Variants in SLC6A18 observed in about 807,000 individuals in gnomAD.
The protein encoded by SLC6A18 is inactive sodium-dependent neutral amino acid transporter B(0)AT3.
SLC6A18 carries 58 observed loss-of-function variants against 62.9 expected under a neutral mutation model. The ratio of observed to expected loss-of-function variants is 0.92; its 90% CI spans 0.75 to 1.15. The LOEUF (loss-of-function observed/expected upper bound fraction) is 1.15. SLC6A18 is among the 50% of genes most tolerant of loss of function. The pLI, the probability that SLC6A18 is intolerant of heterozygous loss-of-function variation, is 0.00. For missense variants in SLC6A18, 793 were observed against 836.6 expected (o/e 0.95, Z 0.64); for synonymous variants, 382 against 365.8 (o/e 1.04, Z -0.51).
chr5:1,226,474 TC>T (rs1746568088), intron 1 of SLC6A18, among the ~76,000 whole-genome samples: 1 of 152,162 alleles, frequency 6.6e-6, no homozygotes, highest in Non-Finnish European at 1.5e-5. Flanking sequence ...GTCAGCCTGT[TC>T]CCCGGGCCCT....
At chr5:1,237,314 G>A (rs746784447) in intron 4 of SLC6A18, among the ~76,000 whole-genome samples, 1 of 152,008 alleles carries the variant, frequency 6.6e-6, no homozygotes, top group Non-Finnish European at 1.5e-5. Context: ...ACTGAGGAGA[G>A]GAGTGAGAGA....
rs768351279 is a variant in SLC6A18 at position 1,235,476 on chromosome 5, T to C, written c.440-5T>C. ...GCCAGCCTGTGACAGGCCCCCTGGT[T>C]TCAGGGTTTGTGGAGGAGTGCCAGG... On this transcript the variant is annotated splice_region_variant and splice_polypyrimidine_tract_variant and intron_variant, in intron 3 of 11. Coordinates refer to ENST00000324642, the MANE Select transcript of SLC6A18 (RefSeq NM_182632.3). 2.5e-6 allele frequency: 4 copies of C among 1,612,612 alleles called. No homozygotes were observed. In the South Asian group the frequency reaches 4.4e-5, roughly 18 times the overall value.
Position 1,225,506 on chromosome 5 carries a change from C to A in SLC6A18, c.29C>A (p.Ala10Asp). Residue 10 changes from alanine to aspartate, a missense_variant, in exon 1 of 12, where the codon GCC becomes GAC. Transcript: ENST00000324642. MAHAPEPDP[A>D]ACDLGDERPK... ...GCTCATGCCCCAGAACCGGACCCGG[C>A]CGCCTGCGACCTCGGGGATGAGAGG... 3 of 1,613,216 alleles carry A rather than the reference C, an allele frequency of 1.9e-6. No homozygotes were observed. The highest frequency in any genetic ancestry group is 2.5e-6 in the Non-Finnish European group (3 of 1,179,582).
intron 8 of SLC6A18, 110 bp downstream of exon 8, chr5:1,242,973 G>A (rs1747105825): frequency 1.5e-6 from 2 of 1,300,276 alleles, no homozygotes; most frequent in South Asian, 1.6e-5. Flanking sequence ...ACAGACCCAG[G>A]GCCAGGGCCT....
chr5:1,230,062 G>A (rs1372956278), intron 1 of SLC6A18, among the ~76,000 whole-genome samples: 19 of 149,364 alleles, frequency 1.3e-4, no homozygotes, highest in Non-Finnish European at 1.6e-4. Context: ...GGAGGGAAAA[G>A]GGGCTCTCAC....
At chr5:1,234,818 A>C (rs534324147) in intron 3 of SLC6A18, among the ~76,000 whole-genome samples, 1 of 152,234 alleles carries the variant, frequency 6.6e-6, no homozygotes, top group Admixed American at 6.5e-5. Context: ...TTGGGGCCCA[A>C]GGACAGTGTG....
intron 10 of SLC6A18, 71 bp downstream of exon 10, chr5:1,244,444 A>T (rs1437372148): frequency 3.1e-6 from 5 of 1,592,200 alleles, no homozygotes; most frequent in Non-Finnish European, 4.3e-6. Flanking sequence ...TGCCGGGCAC[A>T]GGTTCAACCC....
intron 9 of SLC6A18, 29 bp from the exon 10 acceptor site, chr5:1,244,185 C>CCCCCCCCCCCCCCTT: frequency 3.5e-6 from 2 of 572,858 alleles, no homozygotes; most frequent in Non-Finnish European, 6.5e-6. Flanking sequence ...CATCCCCTTA[C>CCCCCCCCCCCCCCTT]CCCCCACACC....
chr5:1,232,359 G>T lies in SLC6A18; in HGVS notation c.301G>T (p.Gly101Trp), dbSNP rs749996673. Residue 101 changes from glycine to tryptophan, a missense_variant and splice_region_variant, in exon 2 of 12, where the codon GGG becomes TGG. Gly to Trp is a radical substitution (Grantham distance 184). Coordinates refer to ENST00000324642, the MANE Select transcript of SLC6A18 (RefSeq NM_182632.3). ...CATCTCCCCGTACCTCAGTGGAGTA[G>T]GTAGGCCACCGTCCTCGCTTGCCCT... ...TAISPYLSGV[G>W]LGCVTLSFLI... The T allele has an allele frequency of 1.9e-6, 3 of 1,609,450 alleles. No individual in the cohort carries two copies. The highest frequency in any genetic ancestry group is 2.5e-6 in the Non-Finnish European group (3 of 1,178,854).
At chr5:1,235,707 C>T (rs991478540) in intron 4 of SLC6A18, 45 bp downstream of exon 4, 1 of 1,591,446 alleles carries the variant, frequency 6.3e-7, no homozygotes. Context: ...TTCCTCCAGC[C>T]CCCAAGACCC....
intron 1 of SLC6A18, among the ~76,000 whole-genome samples, chr5:1,228,341 G>A (rs1346484374): frequency 2.0e-5 from 3 of 152,150 alleles, no homozygotes; most frequent in South Asian, 2.1e-4. Flanking sequence ...CTGCACCCTC[G>A]CGGCTCCCGG....
intron 1 of SLC6A18, among the ~76,000 whole-genome samples, chr5:1,230,666 C>T (rs540753359): frequency 1.5e-4 from 23 of 152,294 alleles, no homozygotes; most frequent in East Asian, 3.9e-4. Flanking sequence ...GACCTGGAAA[C>T]GAGCTTCTAG....
chr5:1,237,883 C>T, intron 4 of SLC6A18, 67 bp from the exon 5 acceptor site: 16 of 1,294,604 alleles, frequency 1.2e-5, no homozygotes, highest in Non-Finnish European at 1.8e-5. Flanking sequence ...AGCCTGCCTG[C>T]TTCTCTGAGG....
At position 1,246,142 on chromosome 5, in the gene SLC6A18, G is replaced by A. The variant is rs1209247187; in HGVS notation, c.*64G>A. 1 of 1,476,740 alleles carries A rather than the reference G, an allele frequency of 6.8e-7. No homozygotes were observed. The highest frequency in any genetic ancestry group is 2.5e-5 in the East Asian group (1 of 39,612). 91.5% of individuals were successfully genotyped at this position (1,476,740 alleles called of 1,614,324 possible). A position where few individuals can be genotyped will look rare whatever the true frequency, so the allele number is the denominator to read the frequency against. ...GGGGGCTTGGCCTGATGGTGGGCGGGGCCCCGCCCACAGGGCCGACCCCAA... is the reference window on the plus strand; with the variant it reads ...GGGGGCTTGGCCTGATGGTGGGCGGAGCCCCGCCCACAGGGCCGACCCCAA... On this transcript the variant is annotated 3_prime_UTR_variant, in exon 12 of 12. Transcript: ENST00000324642.
intron 1 of SLC6A18, among the ~76,000 whole-genome samples, chr5:1,230,439 C>A (rs968480452): frequency 6.6e-6 from 1 of 152,164 alleles, no homozygotes; most frequent in Non-Finnish European, 1.5e-5. Flanking sequence ...TGAGGCTGAC[C>A]CCGTAGACCT....
At chr5:1,225,690 C>T (rs1215064977) in intron 1 of SLC6A18, 53 bp downstream of exon 1, 3 of 1,491,110 alleles carry the variant, frequency 2.0e-6, no homozygotes, top group East Asian at 4.9e-5. Context: ...GAGGCCGTCT[C>T]CACCCTGACC....
Position 1,246,137 on chromosome 5 carries a change from G to GGCGGGGCCCCGC in SLC6A18, c.*60_*71dup, listed in dbSNP as rs1409425900. 1 of 1,488,512 alleles carries GGCGGGGCCCCGC rather than the reference G, an allele frequency of 6.7e-7. No homozygotes were observed. Among genetic ancestry groups the GGCGGGGCCCCGC allele is most frequent in the Non-Finnish European group, 8.9e-7 (1 of 1,125,370 alleles). The allele number at this position is 1,488,512 out of a possible 1,614,324, so 92.2% of individuals were successfully genotyped here. A position where few individuals can be genotyped will look rare whatever the true frequency, so the allele number is the denominator to read the frequency against. ...TGTGGGGGGGCTTGGCCTGATGGTG[G>GGCGGGGCCCCGC]GCGGGGCCCCGCCCACAGGGCCGAC... is the stretch of plus-strand genomic sequence containing the variant. On this transcript the variant is annotated 3_prime_UTR_variant, in exon 12 of 12. Transcript: ENST00000324642.
intron 1 of SLC6A18, among the ~76,000 whole-genome samples, chr5:1,225,918 C>T (rs762929040): frequency 2.6e-5 from 4 of 152,320 alleles, no homozygotes; most frequent in East Asian, 1.9e-4. Context: ...TCCTGCCAGG[C>T]GTCAGGTTGA....
intron 5 of SLC6A18, 48 bp downstream of exon 5, chr5:1,238,108 C>T (rs1746932848): frequency 6.9e-7 from 1 of 1,444,296 alleles, no homozygotes. Flanking sequence ...ACACACATTT[C>T]AGGGCTGTGG....
Sources: gnomAD v4.1 joint callset for allele counts (sites outside exome capture counted in the v4.1 genomes callset) on GRCh38, gnomAD v4.1.1 for gene constraint, MANE v1.5 for transcripts, NCBI Gene and HGNC (gene_info 2026-07-23, HGNC 2026-07-21) for gene names.